The following AQR variants were observed in gnomAD, a reference collection of about 807,000 sequenced individuals.
The protein encoded by AQR is aquarius intron-binding spliceosomal factor, also known as RNA helicase aquarius.
Under a neutral mutation model 180.5 loss-of-function variants are expected in AQR, and 61 were observed. That is an observed-to-expected ratio of 0.34 (90% confidence interval 0.28 to 0.42). The LOEUF (loss-of-function observed/expected upper bound fraction) is 0.42. Ranked by LOEUF, AQR falls within the 10% of genes least tolerant of loss-of-function variation. The probability of loss-of-function intolerance (pLI) is 1.00; values close to 1 mark genes in which losing one functional copy is unlikely to be tolerated. For synonymous variants in AQR, 551 were observed against 588.8 expected (o/e 0.94, Z 0.93); for missense variants, 1,281 against 1,798.3 (o/e 0.71, Z 5.20).
intron 22 of AQR, 105 bp from the exon 23 acceptor site, chr15:34,893,878 G>T: frequency 1.1e-6 from 1 of 893,494 alleles, no homozygotes. Flanking sequence ...AACAAATTCA[G>T]TAGATGGGCC....
In AQR at chr15:34,886,636, C is replaced by A. The variant is rs1566982414; in HGVS notation, c.2707G>T (p.Ala903Ser). The change falls in exon 25 of 35, where the codon GCT becomes TCT. Residue 903 changes from alanine (A) to serine (S), a missense_variant. Physicochemically the swap from Ala to Ser is moderately conservative, Grantham distance 99. This residue lies in a region of AQR where 125 missense variants were observed against 185.0 expected (regional missense o/e 0.68). Transcript: ENST00000156471. ...SRYGRVNYVLARRIELLEEVK... is the reference protein window; with the variant it reads ...SRYGRVNYVLSRRIELLEEVK... Reference sequence around the variant, plus strand: ...TCTTCTAAAAGTTCTATTCTTCGAGCCAGAACATAATTAACTCTTCCATAC... The same window carrying A: ...TCTTCTAAAAGTTCTATTCTTCGAGACAGAACATAATTAACTCTTCCATAC... 1 of 1,613,416 alleles carries A rather than the reference C, an allele frequency of 6.2e-7. No individual in the cohort carries two copies. Among genetic ancestry groups the A allele is most frequent in the South Asian group, 1.1e-5 (1 of 90,918 alleles).
Position 34,856,507 on chromosome 15 carries a change from T to A in AQR, c.*285A>T, listed in dbSNP as rs1595777410. The A allele has an allele frequency of 4.8e-6, 2 of 415,408 alleles. No individual in the cohort carries two copies. The highest frequency in any genetic ancestry group is 6.9e-5 in the East Asian group (2 of 29,060). The allele number at this position is 415,408 out of a possible 1,614,324, so 25.7% of individuals were successfully genotyped here. On this transcript the variant is annotated 3_prime_UTR_variant, in exon 35 of 35. Transcript: ENST00000156471. ...CTAAAAATGTGAAGTATATATTATA[T>A]ATTCATAGAAAATGATTTTAATGTA...
chr15:34,963,469 T>C (rs889451137), intron 2 of AQR, among the ~76,000 whole-genome samples: 1 of 152,114 alleles, frequency 6.6e-6, no homozygotes, highest in Non-Finnish European at 1.5e-5. Context: ...TTATAGACCT[T>C]TACCTCATTC....
At chr15:34,920,827 G>A (rs565203321) in intron 13 of AQR, among the ~76,000 whole-genome samples, 2 of 152,148 alleles carry the variant, frequency 1.3e-5, no homozygotes, top group East Asian at 1.9e-4. Flanking sequence ...GCGTGGTGGC[G>A]GGCGCCTGTA....
At chr15:34,926,049 C>T (rs958754100) in intron 13 of AQR, among the ~76,000 whole-genome samples, 2 of 152,090 alleles carry the variant, frequency 1.3e-5, no homozygotes, top group African/African-American at 4.8e-5. Context: ...CGCCTGTAGT[C>T]CCAGCTACTC....
chr15:34,914,438 A>G (rs1893549440), intron 16 of AQR, among the ~76,000 whole-genome samples: 1 of 152,176 alleles, frequency 6.6e-6, no homozygotes, highest in African/African-American at 2.4e-5. Flanking sequence ...GAATTCCTCA[A>G]ATAACAAGAC....
At position 34,906,636 on chromosome 15, in the gene AQR, C is replaced by T. The variant is rs560852571; in HGVS notation, c.1740G>A (p.Arg580=). The T allele has an allele frequency of 1.9e-6, 3 of 1,614,092 alleles. No individual in the cohort carries two copies. Among genetic ancestry groups the T allele is most frequent in the African/African-American group, 2.7e-5 (2 of 75,024 alleles). ...TKPYGTKFDR[R]RPFIEQVGLV... Reference sequence around the variant, plus strand: ...GGCCAACCTGCTCAATAAAAGGTCTCCTCCGGTCAAACTTAGTGCCATAAG... The same window carrying T: ...GGCCAACCTGCTCAATAAAAGGTCTTCTCCGGTCAAACTTAGTGCCATAAG... Residue 580 remains arginine, a synonymous_variant, in exon 18 of 35, where the codon AGG becomes AGA. Coordinates refer to ENST00000156471, the MANE Select transcript of AQR (RefSeq NM_014691.3).
At chr15:34,859,159 T>C (rs1451974172) in intron 34 of AQR, among the ~76,000 whole-genome samples, 1 of 152,054 alleles carries the variant, frequency 6.6e-6, no homozygotes, top group Non-Finnish European at 1.5e-5. Context: ...AAAATACATA[T>C]CAGATAAAGG....
chr15:34,967,168 C>A (rs1014194251), intron 1 of AQR, among the ~76,000 whole-genome samples: 1 of 149,280 alleles, frequency 6.7e-6, no homozygotes, highest in Admixed American at 6.7e-5. Context: ...AATCCCACTG[C>A]GAGCCACAAG....
intron 22 of AQR, among the ~76,000 whole-genome samples, chr15:34,894,895 T>A (rs1033504006): frequency 1.3e-5 from 2 of 151,764 alleles, no homozygotes; most frequent in Non-Finnish European, 2.9e-5. Context: ...CCAGGCACAG[T>A]GGCTCACACC....
intron 5 of AQR, among the ~76,000 whole-genome samples, chr15:34,946,075 A>G (rs866898175): frequency 1.3e-5 from 2 of 152,208 alleles, no homozygotes; most frequent in South Asian, 2.1e-4. Context: ...GTTTGAGACC[A>G]GCCTGGCCAA....
chr15:34,898,178 C>T (rs1249744689), intron 20 of AQR, among the ~76,000 whole-genome samples: 1 of 152,136 alleles, frequency 6.6e-6, no homozygotes, highest in African/African-American at 2.4e-5. Context: ...GCTGAAGAGA[C>T]AGAAGCCTTG....
At chr15:34,869,794 T>TA (rs1892788819) in intron 31 of AQR, 1 of 152,210 alleles carries the variant, frequency 6.6e-6, no homozygotes, top group Non-Finnish European at 1.5e-5. Flanking sequence ...TCTGAGTTCT[T>TA]ACATTTCTCT....
intron 24 of AQR, among the ~76,000 whole-genome samples, chr15:34,887,488 A>C (rs1893080488): frequency 6.6e-6 from 1 of 152,218 alleles, no homozygotes; most frequent in Non-Finnish European, 1.5e-5. Flanking sequence ...TTGGCACCCA[A>C]ACCTAGCAGG....
intron 3 of AQR, among the ~76,000 whole-genome samples, chr15:34,955,895 C>T (rs1449354910): frequency 7.3e-6 from 1 of 136,598 alleles, no homozygotes; most frequent in Admixed American, 7.8e-5. Context: ...GTGACAACAG[C>T]GAAACTCCAT....
In AQR at chr15:34,886,650, A is replaced by T; in HGVS notation, c.2693T>A (p.Val898Asp). The change falls in exon 25 of 35, where the codon GTT (valine) becomes GAT (aspartate). Residue 898 changes from valine to aspartate, a missense_variant. Coordinates refer to ENST00000156471, the MANE Select transcript of AQR (RefSeq NM_014691.3). ...TATTCTTCGAGCCAGAACATAATTA[A>T]CTCTTCCATACCTAGACATTTCAAT... Reference protein sequence around the residue: ...TEKDFSRYGRVNYVLARRIEL... With the variant: ...TEKDFSRYGRDNYVLARRIEL... 1 of 1,611,380 alleles carries T rather than the reference A, an allele frequency of 6.2e-7. No homozygotes were observed. The highest frequency in any genetic ancestry group is 8.5e-7 in the Non-Finnish European group (1 of 1,179,348).
chr15:34,900,628 G>A lies in AQR; in HGVS notation c.2237C>T (p.Pro746Leu), dbSNP rs764036877. The change falls in exon 20 of 35, where the codon CCT (proline) becomes CTT (leucine). Residue 746 changes from proline (P) to leucine (L), a missense_variant. Pro to Leu is a moderately conservative substitution (Grantham distance 98, BLOSUM62 -3). Around this residue, in one of 9 missense-constraint regions of AQR, gnomAD observed 112 missense variants for 128.6 expected, o/e 0.87. Transcript: ENST00000156471. The stretch of plus-strand genomic sequence containing the variant: ...TACCCAGTTCTGACTTTACCTGAAA[G>A]GGGGTATTTGTAGAGCAGGGTCTTC... ...TVEDPALQIP[P>L]FRITFPVRSG... 1.2e-6 allele frequency: 2 copies of A among 1,613,592 alleles called. No homozygotes were observed. The highest frequency in any genetic ancestry group is 2.2e-5 in the East Asian group (1 of 44,874).
intron 16 of AQR, among the ~76,000 whole-genome samples, chr15:34,913,846 G>C (rs747040056): frequency 6.6e-6 from 1 of 152,062 alleles, no homozygotes. Context: ...TCAGCCAGTG[G>C]GTATACAAAT....
At chr15:34,900,272 C>T (rs1280219753) in intron 20 of AQR, among the ~76,000 whole-genome samples, 2 of 152,154 alleles carry the variant, frequency 1.3e-5, no homozygotes, top group Non-Finnish European at 2.9e-5. Context: ...CAAAGTTCAA[C>T]ATCACACAGC....
Sources: gnomAD v4.1 joint callset for allele counts (sites outside exome capture counted in the v4.1 genomes callset) on GRCh38, gnomAD v4.1.1 for gene constraint, gnomAD v4.1.1 regional missense constraint, MANE v1.5 for transcripts, NCBI Gene and HGNC (gene_info 2026-07-23, HGNC 2026-07-21) for gene names.